Variants in CALN1 observed in about 807,000 individuals in gnomAD.
CALN1 encodes calcium-binding protein 8.
A neutral mutation model predicts 30.6 loss-of-function variants in CALN1; 17 were observed. That is an observed-to-expected ratio of 0.56 (90% CI 0.38 to 0.83). CALN1 has a LOEUF of 0.83. Ranked by LOEUF, CALN1 falls within the 40% of genes least tolerant of loss-of-function variation. CALN1 has a pLI of 0.00. For synonymous variants in CALN1, 156 were observed against 131.4 expected (o/e 1.19, Z -1.28); for missense variants, 291 against 354.9 (o/e 0.82, Z 1.45).
intron 2 of CALN1, among the ~76,000 whole-genome samples, chr7:72,380,134 A>G (rs1020058191): frequency 1.3e-5 from 2 of 152,236 alleles, no homozygotes; most frequent in Non-Finnish European, 2.9e-5. Flanking sequence ...CAACAGAGTC[A>G]GAAAATCCAA....
At chr7:72,123,691 C>G (rs1808549170) in intron 3 of CALN1, among the ~76,000 whole-genome samples, 1 of 152,126 alleles carries the variant, frequency 6.6e-6, no homozygotes, top group African/African-American at 2.4e-5. Flanking sequence ...CCCATTTGTT[C>G]TCTGCTGCAT....
At chr7:72,347,956 C>T (rs1181942167) in intron 2 of CALN1, among the ~76,000 whole-genome samples, 2 of 152,016 alleles carry the variant, frequency 1.3e-5, no homozygotes, top group Non-Finnish European at 2.9e-5. Context: ...CATGCTGAGA[C>T]CCTGTCTCTA....
chr7:72,355,832 T>A (rs891148321), intron 2 of CALN1, among the ~76,000 whole-genome samples: 2 of 152,164 alleles, frequency 1.3e-5, no homozygotes, highest in Non-Finnish European at 1.5e-5. Context: ...AAGGAAATGT[T>A]TATGTCTTAA....
intron 4 of CALN1, among the ~76,000 whole-genome samples, chr7:72,066,948 A>ATT (rs548362102): frequency 1.4e-5 from 2 of 144,926 alleles, no homozygotes; most frequent in African/African-American, 5.0e-5. Flanking sequence ...TGCCCAGCTA[A>ATT]TTTTTTTTTT....
intron 4 of CALN1, among the ~76,000 whole-genome samples, chr7:72,054,459 A>ACG (rs1491203275): frequency 2.6e-5 from 2 of 76,876 alleles, no homozygotes; most frequent in South Asian, 6.7e-4. Flanking sequence ...ATATATATAC[A>ACG]TATATATACA....
intron 3 of CALN1, among the ~76,000 whole-genome samples, chr7:72,221,337 A>C (rs1486783315): frequency 4.4e-5 from 2 of 45,602 alleles, no homozygotes; most frequent in African/African-American, 9.1e-5. Flanking sequence ...TTTTTTTTTG[A>C]GACGGGGTAT....
chr7:72,023,148 A>T (rs1261712778), intron 5 of CALN1, among the ~76,000 whole-genome samples: 2 of 152,162 alleles, frequency 1.3e-5, no homozygotes, highest in Non-Finnish European at 2.9e-5. Flanking sequence ...ATACTTTAAT[A>T]ATTACAATGT....
chr7:72,068,189 C>A (rs1301916483), intron 4 of CALN1, among the ~76,000 whole-genome samples: 1 of 152,172 alleles, frequency 6.6e-6, no homozygotes, highest in African/African-American at 2.4e-5. Context: ...ATGCAAGCAC[C>A]TCCACCAGCA....
At chr7:71,976,604 T>C (rs1290977713) in intron 5 of CALN1, among the ~76,000 whole-genome samples, 1 of 152,174 alleles carries the variant, frequency 6.6e-6, no homozygotes, top group Non-Finnish European at 1.5e-5. Context: ...CCTTATCCTA[T>C]TGAAAATGGA....
intron 4 of CALN1, among the ~76,000 whole-genome samples, chr7:72,049,141 G>C (rs1461738868): frequency 6.6e-6 from 1 of 152,042 alleles, no homozygotes. Flanking sequence ...CTGGTGGGTG[G>C]GGGGAGAACA....
At chr7:72,216,988 C>G (rs936081289) in intron 3 of CALN1, among the ~76,000 whole-genome samples, 2 of 152,108 alleles carry the variant, frequency 1.3e-5, no homozygotes, top group Non-Finnish European at 2.9e-5. Flanking sequence ...AAGTGATCCT[C>G]TCACCTCCCA....
intron 2 of CALN1, among the ~76,000 whole-genome samples, chr7:72,375,943 T>A: frequency 6.6e-6 from 1 of 152,318 alleles, no homozygotes; most frequent in South Asian, 2.1e-4. Flanking sequence ...CAAACACTTA[T>A]CTACATTTCA....
chr7:71,805,887 C>T (rs1787578548), intron 6 of CALN1, among the ~76,000 whole-genome samples: 1 of 152,126 alleles, frequency 6.6e-6, no homozygotes, highest in African/African-American at 2.4e-5. Flanking sequence ...TACATATACA[C>T]AATGGCATAC....
chr7:71,804,823 G>A lies in CALN1; in HGVS notation c.658+5513C>T, dbSNP rs118000789. Among the ~76,000 whole-genome samples the A allele has an allele frequency of 9.2e-3, 1,397 of 152,212 alleles. 7 individuals are homozygous for A. Among genetic ancestry groups the A allele is most frequent in the Middle Eastern group, 0.017 (5 of 294 alleles). On this transcript the variant is annotated intron_variant, in intron 6 of 6. Transcript: ENST00000395275. The stretch of plus-strand genomic sequence containing the variant: ...CTAAAAATACAAAAATTATCAGGAC[G>A]TGGTGGCGCATGCTTGTAATCCCAG...
chr7:72,321,427 A>G (rs909719550), intron 2 of CALN1, among the ~76,000 whole-genome samples: 3 of 152,230 alleles, frequency 2.0e-5, no homozygotes, highest in African/African-American at 7.2e-5. Flanking sequence ...AGCTGAACAT[A>G]TTCACCACAA....
intron 2 of CALN1, among the ~76,000 whole-genome samples, chr7:72,300,068 G>C (rs1482242497): frequency 6.6e-6 from 1 of 151,634 alleles, no homozygotes; most frequent in Admixed American, 6.6e-5. Flanking sequence ...TTTTAACAGA[G>C]ATAGGGTTTC....
chr7:72,048,198 C>G (rs532917339), intron 4 of CALN1, among the ~76,000 whole-genome samples: 42 of 152,122 alleles, frequency 2.8e-4, no homozygotes, highest in African/African-American at 9.9e-4. Context: ...TGCCATCGCA[C>G]CCGGCTAATT....
At chr7:72,190,846 AT>A (rs1037082017) in intron 3 of CALN1, among the ~76,000 whole-genome samples, 4 of 85,532 alleles carry the variant, frequency 4.7e-5, no homozygotes, top group Admixed American at 1.4e-4. Flanking sequence ...ATTTATTATT[AT>A]TTTTTTTCAG....
chr7:71,824,515 TGGCTGCC>T (rs1225662312), intron 5 of CALN1, among the ~76,000 whole-genome samples: 1 of 152,184 alleles, frequency 6.6e-6, no homozygotes, highest in Non-Finnish European at 1.5e-5. Context: ...AGCTCGCTGC[TGGCTGCC>T]GGCTGCCTTG....
Sources: gnomAD v4.1 joint callset for allele counts (sites outside exome capture counted in the v4.1 genomes callset) on GRCh38, gnomAD v4.1.1 for gene constraint, MANE v1.5 for transcripts, NCBI Gene and HGNC (gene_info 2026-07-23, HGNC 2026-07-21) for gene names.